The following TRIM9 variants were observed in gnomAD, a reference collection of about 807,000 sequenced individuals.
TRIM9 encodes E3 ubiquitin-protein ligase TRIM9.
A neutral mutation model predicts 78.3 loss-of-function variants in TRIM9; 26 were observed. The ratio of observed to expected loss-of-function variants is 0.33; its 90% CI spans 0.24 to 0.46. The LOEUF is 0.46. TRIM9 is among the 20% of genes least tolerant of loss of function. The pLI, the probability that TRIM9 is intolerant of heterozygous loss-of-function variation, is 1.00. For synonymous variants in TRIM9, 398 were observed against 416.5 expected, an observed-to-expected ratio of 0.96 and a Z score of 0.54; for missense variants, 787 against 1,036.4, an observed-to-expected ratio of 0.76 and a Z score of 3.30.
At chr14:51,007,574 T>C (rs2055982761) in intron 5 of TRIM9, among the ~76,000 whole-genome samples, 1 of 152,170 alleles carries the variant, frequency 6.6e-6, no homozygotes, top group Admixed American at 6.5e-5. Context: ...CTGTGGGAGC[T>C]CAGGCAAGTA....
intron 3 of TRIM9, among the ~76,000 whole-genome samples, chr14:51,017,560 A>G (rs1415329686): frequency 1.3e-5 from 2 of 152,260 alleles, no homozygotes; most frequent in East Asian, 3.8e-4. Context: ...GGGAGAGAGA[A>G]GCATATTGGG....
chr14:51,004,370 GT>G (rs1033570427), intron 5 of TRIM9, among the ~76,000 whole-genome samples: 12 of 152,218 alleles, frequency 7.9e-5, no homozygotes, highest in African/African-American at 2.9e-4. Flanking sequence ...TTATACCAAT[GT>G]TTTCAAATGT....
At chr14:50,990,443 T>C (rs2053352349) in intron 7 of TRIM9, among the ~76,000 whole-genome samples, 1 of 152,188 alleles carries the variant, frequency 6.6e-6, no homozygotes, top group Non-Finnish European at 1.5e-5. Context: ...AGAAAAATAA[T>C]AATTTAGAGA....
intron 2 of TRIM9, among the ~76,000 whole-genome samples, chr14:51,024,008 T>G (rs1167098891): frequency 1.3e-5 from 2 of 152,242 alleles, no homozygotes; most frequent in Non-Finnish European, 2.9e-5. Flanking sequence ...GGTCTTCGTA[T>G]AAGGAATGCA....
chr14:51,017,727 G>C (rs2057349589), intron 3 of TRIM9, among the ~76,000 whole-genome samples: 1 of 152,224 alleles, frequency 6.6e-6, no homozygotes, highest in African/African-American at 2.4e-5. Flanking sequence ...GGTAAGAGGT[G>C]TCACCCATAT....
At position 51,010,510 on chromosome 14, in the gene TRIM9, A is replaced by C. The variant is rs763581860; in HGVS notation, c.1042-16T>G. ...CTCGAACCACCTAGGATTAAAAAAA[A>C]AACAACAGAACAGTCCAAGATGGCA... On this transcript the variant is annotated splice_polypyrimidine_tract_variant and intron_variant, in intron 3 of 12. Coordinates refer to ENST00000684578, the MANE Select transcript of TRIM9 (RefSeq NM_001387360.1). The C allele has an allele frequency of 6.3e-6, 10 of 1,598,274 alleles. No individual in the cohort carries two copies. The highest frequency in any genetic ancestry group is 4.5e-5 in the East Asian group (2 of 44,792).
At chr14:51,064,499 C>A (rs2061590105) in intron 1 of TRIM9, among the ~76,000 whole-genome samples, 1 of 123,104 alleles carries the variant, frequency 8.1e-6, no homozygotes. Flanking sequence ...TATAAAGAAT[C>A]AAAAGTTAAA....
intron 1 of TRIM9, among the ~76,000 whole-genome samples, chr14:51,086,968 T>C (rs2063812595): frequency 6.6e-6 from 1 of 152,022 alleles, no homozygotes; most frequent in Non-Finnish European, 1.5e-5. Flanking sequence ...GAAAACTCCC[T>C]CTCTACAGTT....
chr14:50,986,086 G>T lies in TRIM9; in HGVS notation c.1662C>A (p.Leu554=). The part of the protein sequence containing the change: ...PFPVPSERLP[L]RRMSPFSSTL... ...TGGAGGAGAAAGGACTCATTCTACG[G>T]AGCGGCAATCTTTCCGAAGGCACTG... Residue 554 remains leucine, a synonymous_variant, in exon 8 of 13, where the codon CTC becomes CTA. Coordinates refer to ENST00000684578, the MANE Select transcript of TRIM9 (RefSeq NM_001387360.1). The T allele has an allele frequency of 4.5e-6, 7 of 1,547,790 alleles. No individual in the cohort carries two copies. Among genetic ancestry groups the T allele is most frequent in the Non-Finnish European group, 4.4e-6 (5 of 1,145,486 alleles).
intron 1 of TRIM9, among the ~76,000 whole-genome samples, chr14:51,058,917 A>C (rs1390480335): frequency 6.6e-6 from 1 of 152,198 alleles, no homozygotes; most frequent in East Asian, 1.9e-4. Context: ...AAGAATTCTC[A>C]TGTAATGTTT....
chr14:51,077,386 GTTT>G (rs146912763), intron 1 of TRIM9, among the ~76,000 whole-genome samples: 3,321 of 97,336 alleles, frequency 0.034, 50 homozygotes, highest in African/African-American at 0.11. Flanking sequence ...CTCCAATTCT[GTTT>G]TTTTTTTTTT....
chr14:50,997,913 C>A (rs553290966), intron 7 of TRIM9, 137 bp downstream of exon 7: 2 of 1,485,268 alleles, frequency 1.3e-6, no homozygotes, highest in Non-Finnish European at 1.8e-6. Flanking sequence ...AGAGGAACAG[C>A]GGCTCTGTGC....
chr14:51,049,416 A>G (rs59978383), intron 1 of TRIM9, among the ~76,000 whole-genome samples: 11,663 of 152,198 alleles, frequency 0.077, 656 homozygotes, highest in African/African-American at 0.16. Flanking sequence ...AGGCACATCT[A>G]CTACAGGGCT....
intron 5 of TRIM9, among the ~76,000 whole-genome samples, chr14:51,002,901 T>C (rs1471230381): frequency 6.6e-6 from 1 of 152,172 alleles, no homozygotes; most frequent in African/African-American, 2.4e-5. Context: ...GGAGAAGAAA[T>C]CATGTTTTAA....
chr14:50,988,225 A>G (rs778312286), intron 7 of TRIM9: 3 of 152,268 alleles, frequency 2.0e-5, no homozygotes, highest in Non-Finnish European at 2.9e-5. Context: ...ATATAAAATA[A>G]TATGAATTTC....
At chr14:51,070,683 T>C (rs2062142733) in intron 1 of TRIM9, among the ~76,000 whole-genome samples, 1 of 152,220 alleles carries the variant, frequency 6.6e-6, no homozygotes, top group African/African-American at 2.4e-5. Context: ...ATACTCAACC[T>C]GCACTGGGAA....
intron 1 of TRIM9, among the ~76,000 whole-genome samples, chr14:51,033,433 C>A (rs2058895718): frequency 6.6e-6 from 1 of 152,214 alleles, no homozygotes; most frequent in Non-Finnish European, 1.5e-5. Flanking sequence ...AATATACATA[C>A]ATAAATCACG....
chr14:50,979,043 T>C, intron 12 of TRIM9: 1 of 1,302,700 alleles, frequency 7.7e-7, no homozygotes, highest in African/African-American at 1.5e-5. Flanking sequence ...CTGAGCTTTG[T>C]TAAGTCATTC....
intron 5 of TRIM9, among the ~76,000 whole-genome samples, chr14:51,004,135 T>C (rs1437534484): frequency 6.6e-6 from 1 of 152,238 alleles, no homozygotes; most frequent in Non-Finnish European, 1.5e-5. Context: ...TATTGATTTT[T>C]ACACTTTCTT....
Sources: gnomAD v4.1 joint callset for allele counts (sites outside exome capture counted in the v4.1 genomes callset) on GRCh38, gnomAD v4.1.1 for gene constraint, MANE v1.5 for transcripts, NCBI Gene and HGNC (gene_info 2026-07-23, HGNC 2026-07-21) for gene names.